Variants in ABCG2 observed in about 807,000 individuals in gnomAD.
The protein encoded by ABCG2 is broad substrate specificity ATP-binding cassette transporter ABCG2.
ABCG2 carries 80 observed loss-of-function variants against 73.5 expected under a neutral mutation model. The ratio of observed to expected loss-of-function variants is 1.09; its 90% confidence interval spans 0.91 to 1.31. The LOEUF (loss-of-function observed/expected upper bound fraction) is 1.31, where lower values mean the gene tolerates loss of function less well. ABCG2 is among the 50% of genes most tolerant of loss of function. The probability of loss-of-function intolerance (pLI) is 0.00; values close to 1 mark genes in which losing one functional copy is unlikely to be tolerated. For missense variants in ABCG2, 796 were observed against 786.2 expected (o/e 1.01, Z -0.15); for synonymous variants, 269 against 282.4 (o/e 0.95, Z 0.48).
rs1560671780 is a variant in ABCG2 at position 88,113,431 on chromosome 4, C to A, written c.1066G>T (p.Glu356Ter). The A allele has an allele frequency of 3.1e-6, 5 of 1,614,140 alleles. No individual in the cohort carries two copies. Among genetic ancestry groups the A allele is most frequent in the Non-Finnish European group, 4.2e-6 (5 of 1,180,010 alleles). ...KAELHQLSGGEKKKKITVFKE... is the reference protein window; with the variant it reads ...KAELHQLSGG ...AAGACTGTGATCTTCTTCTTCTTCT[C>A]ACCCCCGGAAAGTTGATGTAATTCA... The change falls in exon 9 of 16, where the codon GAG (glutamate) becomes TAG (stop). Residue 356 changes from glutamate (E) to a stop codon, truncating the protein, a stop_gained. Transcript: ENST00000237612. LOFTEE classifies it high-confidence loss of function.
intron 1 of ABCG2, among the ~76,000 whole-genome samples, chr4:88,195,386 G>A (rs557792615): frequency 5.9e-5 from 9 of 152,096 alleles, no homozygotes; most frequent in Admixed American, 3.3e-4. Flanking sequence ...GGTTTGTTCC[G>A]GGCTATCCAG....
At chr4:88,125,992 A>G (rs1396445536) in intron 5 of ABCG2, among the ~76,000 whole-genome samples, 1 of 152,196 alleles carries the variant, frequency 6.6e-6, no homozygotes, top group Non-Finnish European at 1.5e-5. Flanking sequence ...CAACGAATCC[A>G]GGGCTGGTTT....
chr4:88,094,011 A>T (rs4148159), intron 15 of ABCG2, among the ~76,000 whole-genome samples: 19,232 of 152,214 alleles, frequency 0.13, 2,616 homozygotes, highest in African/African-American at 0.32. Context: ...ATTTAAAAAC[A>T]ACAACACATG....
At chr4:88,131,343 C>G in intron 4 of ABCG2, 130 bp from the exon 5 acceptor site, 2 of 936,142 alleles carry the variant, frequency 2.1e-6, no homozygotes, top group Non-Finnish European at 3.2e-6. Context: ...AATGATGAAC[C>G]TGCAGTTCTG....
intron 14 of ABCG2, 85 bp downstream of exon 14, chr4:88,095,435 G>T: frequency 1.6e-6 from 2 of 1,234,458 alleles, no homozygotes; most frequent in Non-Finnish European, 2.4e-6. Flanking sequence ...CACAGCTCAT[G>T]GTCAGGGAAA....
At chr4:88,203,982 A>C (rs1729283587) in intron 1 of ABCG2, among the ~76,000 whole-genome samples, 1 of 152,214 alleles carries the variant, frequency 6.6e-6, no homozygotes. Flanking sequence ...AAACTTTAAA[A>C]GAAAAGGTAA....
intron 1 of ABCG2, among the ~76,000 whole-genome samples, chr4:88,181,191 G>A (rs1578260371): frequency 6.6e-6 from 1 of 151,624 alleles, no homozygotes; most frequent in Non-Finnish European, 1.5e-5. Context: ...CATGAAGTCA[G>A]GAGTTCAAGA....
chr4:88,141,137 T>G (rs554685717), intron 1 of ABCG2, among the ~76,000 whole-genome samples: 1 of 152,016 alleles, frequency 6.6e-6, no homozygotes, highest in Non-Finnish European at 1.5e-5. Flanking sequence ...TATGATTGAG[T>G]TGCTGTTCCC....
intron 1 of ABCG2, 105 bp from the exon 2 acceptor site, chr4:88,140,119 T>C (rs2110056197): frequency 6.5e-6 from 6 of 923,706 alleles, no homozygotes; most frequent in East Asian, 2.7e-5. Flanking sequence ...TGTGCGGCAA[T>C]GAGCAGCTTC....
At chr4:88,229,149 G>A (rs1730352520) in intron 1 of ABCG2, among the ~76,000 whole-genome samples, 4 of 152,164 alleles carry the variant, frequency 2.6e-5, no homozygotes, top group Admixed American at 2.6e-4. Context: ...CTACCTTTGT[G>A]AGCCATAACA....
At chr4:88,154,758 G>A (rs1462777097) in intron 1 of ABCG2, among the ~76,000 whole-genome samples, 1 of 152,188 alleles carries the variant, frequency 6.6e-6, no homozygotes, top group Non-Finnish European at 1.5e-5. Context: ...GCAACAAAGA[G>A]TGAGTATAGC....
intron 1 of ABCG2, among the ~76,000 whole-genome samples, chr4:88,146,925 A>G (rs142684800): frequency 5.1e-5 from 6 of 117,736 alleles, no homozygotes; most frequent in Non-Finnish European, 7.2e-5. Flanking sequence ...GAAGGAAGGA[A>G]GAAGGAAGGA....
At chr4:88,146,578 G>A (rs1361544639) in intron 1 of ABCG2, among the ~76,000 whole-genome samples, 1 of 152,040 alleles carries the variant, frequency 6.6e-6, no homozygotes, top group African/African-American at 2.4e-5. Flanking sequence ...ATTTTTAGTA[G>A]AGATGGGGTT....
chr4:88,106,373 A>C (rs1451709843), intron 10 of ABCG2, among the ~76,000 whole-genome samples: 2 of 152,214 alleles, frequency 1.3e-5, no homozygotes, highest in Non-Finnish European at 2.9e-5. Context: ...CCAAGTTTCC[A>C]TCTATAGATG....
intron 10 of ABCG2, among the ~76,000 whole-genome samples, chr4:88,106,195 T>C (rs1429490138): frequency 6.6e-6 from 1 of 152,102 alleles, no homozygotes; most frequent in Non-Finnish European, 1.5e-5. Context: ...TGGACTGCAG[T>C]AGTGCAATCA....
intron 1 of ABCG2, among the ~76,000 whole-genome samples, chr4:88,170,644 T>G (rs1035950110): frequency 6.6e-6 from 1 of 152,232 alleles, no homozygotes; most frequent in African/African-American, 2.4e-5. Flanking sequence ...ACCCCTGCCC[T>G]CTCTCCAGAA....
intron 5 of ABCG2, among the ~76,000 whole-genome samples, chr4:88,126,177 A>G (rs918381821): frequency 2.6e-5 from 4 of 152,208 alleles, no homozygotes; most frequent in African/African-American, 7.2e-5. Flanking sequence ...TAGAAAATCT[A>G]GAAGAAATGG....
intron 1 of ABCG2, among the ~76,000 whole-genome samples, chr4:88,164,862 C>G (rs1727452796): frequency 6.6e-6 from 1 of 152,134 alleles, no homozygotes; most frequent in Non-Finnish European, 1.5e-5. Flanking sequence ...GCCACAACCT[C>G]CACCTCCTGG....
intron 1 of ABCG2, among the ~76,000 whole-genome samples, chr4:88,143,162 T>G (rs1406235531): frequency 6.6e-6 from 1 of 152,218 alleles, no homozygotes; most frequent in African/African-American, 2.4e-5. Flanking sequence ...CCATGTTATA[T>G]CAGGAACTTG....
Sources: allele counts gnomAD v4.1 joint callset (sites outside exome capture counted in the v4.1 genomes callset), GRCh38; gene constraint gnomAD v4.1.1; transcripts MANE v1.5; gene names NCBI Gene and HGNC (gene_info 2026-07-23, HGNC 2026-07-21).